The following ACER3 variants were observed in gnomAD, a reference collection of about 807,000 sequenced individuals.
The protein encoded by ACER3 is alkCDase 3.
ACER3 carries 16 observed loss-of-function variants against 48.9 expected under a neutral mutation model. The observed-to-expected ratio is 0.33, with a 90% confidence interval of 0.22 to 0.50. The LOEUF (loss-of-function observed/expected upper bound fraction) is 0.50, where lower values mean the gene tolerates loss of function less well. Ranked by LOEUF, ACER3 falls within the 20% of genes least tolerant of loss-of-function variation. The pLI, the probability that ACER3 is intolerant of heterozygous loss-of-function variation, is 0.98. For missense variants in ACER3, 227 were observed against 326.0 expected (o/e 0.70, Z 2.34); for synonymous variants, 109 against 107.8 (o/e 1.01, Z -0.07).
chr11:76,973,166 C>G (rs1266829625), intron 3 of ACER3, among the ~76,000 whole-genome samples: 1 of 152,220 alleles, frequency 6.6e-6, no homozygotes, highest in African/African-American at 2.4e-5. Context: ...AGGCAGGCAA[C>G]GGATTCCCCT....
At chr11:76,880,311 C>T (rs1005234542) in intron 1 of ACER3, among the ~76,000 whole-genome samples, 1 of 152,204 alleles carries the variant, frequency 6.6e-6, no homozygotes, top group Non-Finnish European at 1.5e-5. Context: ...GGCACACAAA[C>T]TGTTTTTCCT....
intron 2 of ACER3, among the ~76,000 whole-genome samples, chr11:76,932,008 G>A (rs1947012817): frequency 6.8e-6 from 1 of 147,898 alleles, no homozygotes; most frequent in Admixed American, 6.7e-5. Flanking sequence ...GAGTGTAGTG[G>A]TACAATCTTG....
chr11:76,865,467 C>T (rs1391529623), intron 1 of ACER3, among the ~76,000 whole-genome samples: 1 of 151,628 alleles, frequency 6.6e-6, no homozygotes, highest in East Asian at 1.9e-4. Flanking sequence ...TATGCATTTA[C>T]GTTGATAAGT....
intron 2 of ACER3, among the ~76,000 whole-genome samples, chr11:76,927,251 G>A (rs1946854084): frequency 6.6e-6 from 1 of 152,190 alleles, no homozygotes; most frequent in Non-Finnish European, 1.5e-5. Context: ...GTGGAGGACT[G>A]TGTCTTAATG....
chr11:76,862,744 T>G (rs1944975449), intron 1 of ACER3, among the ~76,000 whole-genome samples: 1 of 152,222 alleles, frequency 6.6e-6, no homozygotes, highest in Non-Finnish European at 1.5e-5. Flanking sequence ...AAAAACCTTC[T>G]CACCAATGAT....
intron 2 of ACER3, among the ~76,000 whole-genome samples, chr11:76,954,587 G>C (rs532645157): frequency 1.4e-5 from 2 of 148,122 alleles, no homozygotes; most frequent in South Asian, 4.3e-4. Context: ...TAGTGGTTTG[G>C]TTGGTTTTTT....
rs1164366458 is a variant in ACER3, at chr11:77,024,507, C to A, written c.*4180C>A. 3 of 152,090 alleles carry A rather than the reference C, an allele frequency of 2.0e-5. No individual in the cohort carries two copies. The highest frequency in any genetic ancestry group is 2.9e-5 in the Non-Finnish European group (2 of 68,030). The allele number at this position is 152,090 out of a possible 1,614,324, so 9.4% of individuals were successfully genotyped here. A position where few individuals can be genotyped will look rare whatever the true frequency, so the allele number is the denominator to read the frequency against. ...TAAAACTCTGACTTTGGAGTATAAA[C>A]TTTTGCCTTGAGTATGAAACCTTGA... On this transcript the variant is annotated 3_prime_UTR_variant, in exon 11 of 11. Coordinates refer to ENST00000532485, the MANE Select transcript of ACER3 (RefSeq NM_018367.7).
At chr11:77,001,533 G>C (rs1290970521) in intron 7 of ACER3, among the ~76,000 whole-genome samples, 1 of 152,182 alleles carries the variant, frequency 6.6e-6, no homozygotes, top group Non-Finnish European at 1.5e-5. Flanking sequence ...TGGGATTACA[G>C]GTGTGAGACA....
intron 2 of ACER3, among the ~76,000 whole-genome samples, chr11:76,928,955 G>C (rs911397289): frequency 1.3e-5 from 2 of 152,136 alleles, no homozygotes; most frequent in Non-Finnish European, 2.9e-5. Flanking sequence ...CTCTTTTTTA[G>C]TTCCATATGA....
At chr11:77,006,339 T>C (rs1247487186) in intron 7 of ACER3, among the ~76,000 whole-genome samples, 2 of 152,254 alleles carry the variant, frequency 1.3e-5, no homozygotes, top group Admixed American at 6.5e-5. Flanking sequence ...GACAGTGTTA[T>C]GATTTTTGTC....
chr11:77,019,076 G>A (rs1197594757), intron 9 of ACER3, among the ~76,000 whole-genome samples: 1 of 152,252 alleles, frequency 6.6e-6, no homozygotes, highest in East Asian at 1.9e-4. Context: ...GACAGGTTGT[G>A]ACGCTCTTGT....
intron 1 of ACER3, among the ~76,000 whole-genome samples, chr11:76,906,600 T>C (rs1946239025): frequency 6.6e-6 from 1 of 152,220 alleles, no homozygotes; most frequent in Non-Finnish European, 1.5e-5. Flanking sequence ...GTGGCCAGCC[T>C]CACATCAGTT....
At chr11:76,974,904 A>G (rs6592689) in intron 3 of ACER3, among the ~76,000 whole-genome samples, 108,173 of 152,160 alleles carry the variant, frequency 0.71, 38,854 homozygotes, top group Non-Finnish European at 0.77. Context: ...CTGCAGACCT[A>G]TTTCAAGCTG....
At chr11:76,919,030 A>G (rs556928816) in intron 1 of ACER3, among the ~76,000 whole-genome samples, 1 of 152,336 alleles carries the variant, frequency 6.6e-6, no homozygotes, top group African/African-American at 2.4e-5. Context: ...CAAACCAGTT[A>G]CAGCTTTCAT....
intron 2 of ACER3, among the ~76,000 whole-genome samples, chr11:76,927,779 G>A (rs958301658): frequency 4.6e-5 from 7 of 152,120 alleles, no homozygotes; most frequent in African/African-American, 1.4e-4. Context: ...TCCCTACAAA[G>A]GACATGAACT....
intron 7 of ACER3, among the ~76,000 whole-genome samples, chr11:77,005,164 A>C (rs1555020626): frequency 6.6e-6 from 1 of 151,560 alleles, no homozygotes; most frequent in Non-Finnish European, 1.5e-5. Context: ...CAGCCTCCTG[A>C]GTAGCTGGGA....
At chr11:76,927,383 C>T (rs1158551882) in intron 2 of ACER3, among the ~76,000 whole-genome samples, 2 of 152,098 alleles carry the variant, frequency 1.3e-5, no homozygotes, top group Non-Finnish European at 2.9e-5. Context: ...CATGTTCTTG[C>T]ATCATCATAA....
rs1457305545 is a variant in ACER3 at position 77,022,915 on chromosome 11, A to G, written c.*2588A>G. The G allele has an allele frequency of 3.5e-5, 13 of 375,462 alleles. No individual in the cohort carries two copies. The highest frequency in any genetic ancestry group is 1.5e-4 in the East Asian group (4 of 26,094). The allele number at this position is 375,462 out of a possible 1,614,324, so 23.3% of individuals were successfully genotyped here. ...AAAGAAAAGAAAAGAAAATATAAGG[A>G]TGTAAAAGAAGCAATTTGCTTGCAC... On this transcript the variant is annotated 3_prime_UTR_variant, in exon 11 of 11. Transcript: ENST00000532485.
intron 3 of ACER3, among the ~76,000 whole-genome samples, chr11:76,969,496 G>A (rs545374138): frequency 0.04 from 6,126 of 151,470 alleles, 188 homozygotes; most frequent in Admixed American, 0.12. Flanking sequence ...ACAGGCACAC[G>A]TATGTTTATT....
Sources: gnomAD v4.1 joint callset for allele counts (sites outside exome capture counted in the v4.1 genomes callset) on GRCh38, gnomAD v4.1.1 for gene constraint, MANE v1.5 for transcripts, NCBI Gene and HGNC (gene_info 2026-07-23, HGNC 2026-07-21) for gene names.